OPRM1: variants seen among roughly 807,000 people sequenced by gnomAD.
The protein encoded by OPRM1 is mu-type opioid receptor.
Under a neutral mutation model 31.8 loss-of-function variants are expected in OPRM1, and 27 were observed. That is an observed-to-expected ratio of 0.85 (90% CI 0.63 to 1.17). The LOEUF is 1.17. Among genes scored for constraint, OPRM1 ranks in the 50% most tolerant of loss-of-function variants. The pLI, the probability that OPRM1 is intolerant of heterozygous loss-of-function variation, is 0.00. For missense variants in OPRM1, 536 were observed against 511.1 expected, an observed-to-expected ratio of 1.05 and a Z score of -0.47; for synonymous variants, 196 against 189.9, an observed-to-expected ratio of 1.03 and a Z score of -0.26.
At chr6:154,137,047 C>T (rs1229374547), downstream of OPRM1, among the ~76,000 whole-genome samples, 8 of 152,150 alleles carry the variant, frequency 5.3e-5, no homozygotes, top group Non-Finnish European at 7.3e-5. Context: ...TTCACGACAA[C>T]CTTAGACAGT....
Position 154,221,223 on chromosome 6 carries a change from T to C in OPRM1, c.1165-25470T>C, listed in dbSNP as rs749463312. ...CAGGCTAAAGTTAAGTATATTCCCA[T>C]TAAGGATGGGGTTTACCAGTTTCCT... On this transcript the variant is annotated intron_variant, in intron 3 of 3. Coordinates refer to the OPRM1 transcript ENST00000337049. The C allele has an allele frequency of 7.7e-5, 118 of 1,536,310 alleles. No homozygotes were observed. In the Middle Eastern group the frequency reaches 1.2e-3, roughly 15 times the overall value.
chr6:154,065,600 T>C (rs949530946), intron 1 of OPRM1, among the ~76,000 whole-genome samples: 12 of 152,260 alleles, frequency 7.9e-5, no homozygotes, highest in African/African-American at 2.7e-4. Context: ...CTGATTTTTA[T>C]ATGTTGACTT....
At chr6:154,010,976 G>A (rs1363348265) in exon 1 of OPRM1, 1 of 1,293,450 alleles carries the variant, frequency 7.7e-7, no homozygotes, top group Admixed American at 2.3e-5. Flanking sequence ...ACTGTGGCAG[G>A]AGAAGCAGCA....
At chr6:154,035,440 T>C (rs1779247787), upstream of OPRM1, among the ~76,000 whole-genome samples, 1 of 152,146 alleles carries the variant, frequency 6.6e-6, no homozygotes, top group Non-Finnish European at 1.5e-5. Context: ...GCTATGCCCA[T>C]TTAAAAGTTA....
intron 3 of OPRM1, among the ~76,000 whole-genome samples, chr6:154,151,548 G>A (rs1798499020): frequency 6.6e-6 from 1 of 152,176 alleles, no homozygotes; most frequent in African/African-American, 2.4e-5. Flanking sequence ...TGGAAAAGGA[G>A]CACGGTATTT....
downstream of OPRM1, among the ~76,000 whole-genome samples, chr6:154,135,240 G>A (rs143146454): frequency 2.9e-4 from 44 of 152,234 alleles, no homozygotes; most frequent in African/African-American, 9.1e-4. Context: ...AGGCCAAGGC[G>A]GGTGGATCAC....
At chr6:154,229,076 T>C (rs1034714769) in intron 3 of OPRM1, among the ~76,000 whole-genome samples, 6 of 152,204 alleles carry the variant, frequency 3.9e-5, no homozygotes, top group African/African-American at 1.2e-4. Flanking sequence ...GGTGCCCCCA[T>C]GTCTGCCTCC....
intron 3 of OPRM1, chr6:154,108,534 T>C (rs1400364662): frequency 6.5e-6 from 1 of 153,188 alleles, no homozygotes; most frequent in Non-Finnish European, 1.4e-5. Flanking sequence ...AGTTTCCCCT[T>C]TTAGGGAGGA....
intron 3 of OPRM1, chr6:154,108,483 G>C (rs927659871): frequency 4.6e-5 from 7 of 152,954 alleles, no homozygotes; most frequent in African/African-American, 1.7e-4. Context: ...GCTGCTTCTC[G>C]GTAGCAAAAG....
At chr6:154,198,607 T>C (rs1175152545) in intron 3 of OPRM1, among the ~76,000 whole-genome samples, 1 of 147,594 alleles carries the variant, frequency 6.8e-6, no homozygotes, top group Non-Finnish European at 1.5e-5. Context: ...AGTAATGAAA[T>C]TTACATACTT....
At chr6:154,138,799 T>C (rs1459880974) in intron 3 of OPRM1, among the ~76,000 whole-genome samples, 1 of 152,232 alleles carries the variant, frequency 6.6e-6, no homozygotes, top group Non-Finnish European at 1.5e-5. Context: ...GATTAGAAAT[T>C]ATAGTTTAGG....
chr6:154,237,262 C>T (rs946073233), intron 3 of OPRM1, among the ~76,000 whole-genome samples: 6 of 152,350 alleles, frequency 3.9e-5, no homozygotes, highest in African/African-American at 1.4e-4. Context: ...ACACCCTCAC[C>T]ATTAACTCAT....
chr6:154,088,885 T>G (rs1791302322), intron 1 of OPRM1, among the ~76,000 whole-genome samples: 1 of 152,158 alleles, frequency 6.6e-6, no homozygotes, highest in Non-Finnish European at 1.5e-5. Flanking sequence ...ATCAGGCCAT[T>G]CCAACTCTAC....
chr6:154,075,005 A>G (rs1787561300), intron 1 of OPRM1, among the ~76,000 whole-genome samples: 1 of 152,208 alleles, frequency 6.6e-6, no homozygotes, highest in Admixed American at 6.5e-5. Flanking sequence ...TCTGTGTTCC[A>G]GGCACAATAA....
chr6:154,012,669 A>T (rs1009011152), intron 1 of OPRM1, among the ~76,000 whole-genome samples: 1 of 152,152 alleles, frequency 6.6e-6, no homozygotes, highest in Non-Finnish European at 1.5e-5. Context: ...GGTCTATGAC[A>T]TGTTTTCTAA....
intron 3 of OPRM1, among the ~76,000 whole-genome samples, chr6:154,182,923 T>C (rs1325873794): frequency 6.6e-6 from 1 of 152,128 alleles, no homozygotes; most frequent in Admixed American, 6.5e-5. Context: ...AGAAGTTAGC[T>C]TATCTCAATT....
chr6:154,238,529 G>A (rs941658351), intron 3 of OPRM1, among the ~76,000 whole-genome samples: 4 of 152,144 alleles, frequency 2.6e-5, no homozygotes, highest in Middle Eastern at 3.2e-3. Context: ...GCCTTCCAAA[G>A]TGCTGGGATC....
At chr6:154,232,824 G>A (rs566401710) in intron 3 of OPRM1, among the ~76,000 whole-genome samples, 45 of 152,122 alleles carry the variant, frequency 3.0e-4, no homozygotes, top group Non-Finnish European at 5.3e-4. Context: ...ATAGATGTGT[G>A]TAATAATGTA....
At chr6:154,138,641 G>A (rs1798122325) in intron 3 of OPRM1, among the ~76,000 whole-genome samples, 1 of 152,204 alleles carries the variant, frequency 6.6e-6, no homozygotes, top group Admixed American at 6.5e-5. Context: ...AACCTCCAAG[G>A]GGTCCTGTTA....
Sources: allele counts gnomAD v4.1 joint callset (sites outside exome capture counted in the v4.1 genomes callset), GRCh38; gene constraint gnomAD v4.1.1; transcripts MANE v1.5; gene names NCBI Gene and HGNC (gene_info 2026-07-23, HGNC 2026-07-21).